Variants in HDAC9 observed in about 807,000 individuals in gnomAD.
HDAC9 encodes histone deacetylase 9.
A neutral mutation model predicts 139.4 loss-of-function variants in HDAC9; 41 were observed. That is an observed-to-expected ratio of 0.29 (90% CI 0.23 to 0.38). The LOEUF (loss-of-function observed/expected upper bound fraction) is 0.38. Ranked by LOEUF, HDAC9 falls within the 10% of genes least tolerant of loss-of-function variation. The pLI, the probability that HDAC9 is intolerant of heterozygous loss-of-function variation, is 1.00. For synonymous variants in HDAC9, 517 were observed against 476.2 expected (o/e 1.09, Z -1.12); for missense variants, 1,147 against 1,297.0 (o/e 0.88, Z 1.78).
intron 1 of HDAC9, among the ~76,000 whole-genome samples, chr7:18,417,926 C>G (rs1369687010): frequency 6.6e-6 from 1 of 152,166 alleles, no homozygotes; most frequent in African/African-American, 2.4e-5. Context: ...CCAGAAAACT[C>G]TAACTGCTTT....
chr7:18,445,705 GA>G (rs1792227552), intron 1 of HDAC9, among the ~76,000 whole-genome samples: 1 of 152,194 alleles, frequency 6.6e-6, no homozygotes, highest in Non-Finnish European at 1.5e-5. Context: ...GCTGTTTATA[GA>G]TAGCCATGAA....
At chr7:18,991,250 A>G (rs940401546) in intron 25 of HDAC9, among the ~76,000 whole-genome samples, 5 of 152,250 alleles carry the variant, frequency 3.3e-5, no homozygotes, top group African/African-American at 1.2e-4. Flanking sequence ...AGAAAAATGA[A>G]TGAGGAAATG....
intron 2 of HDAC9, among the ~76,000 whole-genome samples, chr7:18,550,559 T>C (rs1051602933): frequency 2.1e-4 from 32 of 152,210 alleles, no homozygotes; most frequent in African/African-American, 7.7e-4. Flanking sequence ...TGCTATGGAA[T>C]AAAGAAAGAG....
intron 2 of HDAC9, among the ~76,000 whole-genome samples, chr7:18,527,700 C>G (rs998532045): frequency 2.0e-5 from 3 of 151,984 alleles, no homozygotes; most frequent in Non-Finnish European, 4.4e-5. Flanking sequence ...AAGGATCAAC[C>G]TATGATTTTC....
chr7:18,296,683 G>A (rs559134598), intron 1 of HDAC9, among the ~76,000 whole-genome samples: 72 of 152,216 alleles, frequency 4.7e-4, no homozygotes, highest in South Asian at 1.0e-3. Flanking sequence ...GAGAGCCATG[G>A]AAAAAATAAA....
intron 1 of HDAC9, among the ~76,000 whole-genome samples, chr7:18,379,558 TC>T (rs1471648581): frequency 6.6e-6 from 1 of 152,220 alleles, no homozygotes; most frequent in Non-Finnish European, 1.5e-5. Flanking sequence ...GCCAGTTGTG[TC>T]TTTTTGAACT....
chr7:18,816,527 C>A (rs192133809), intron 17 of HDAC9, among the ~76,000 whole-genome samples: 2 of 152,332 alleles, frequency 1.3e-5, no homozygotes, highest in Admixed American at 1.3e-4. Flanking sequence ...GTAGCTATAT[C>A]TGAGCCATTT....
intron 1 of HDAC9, among the ~76,000 whole-genome samples, chr7:18,145,984 G>T (rs1285633092): frequency 6.6e-6 from 1 of 152,066 alleles, no homozygotes; most frequent in African/African-American, 2.4e-5. Context: ...TGGAAAAAGG[G>T]CACATAGCAA....
chr7:18,937,117 G>A (rs540959899), intron 23 of HDAC9, among the ~76,000 whole-genome samples: 14 of 137,698 alleles, frequency 1.0e-4, no homozygotes, highest in East Asian at 8.8e-4. Context: ...TCGGCTCACT[G>A]CAACCTCCGC....
intron 2 of HDAC9, among the ~76,000 whole-genome samples, chr7:18,242,946 A>G (rs1007087894): frequency 6.6e-6 from 1 of 152,238 alleles, no homozygotes; most frequent in Non-Finnish European, 1.5e-5. Context: ...ACTAGCACAA[A>G]ACAATAGATA....
chr7:18,701,465 A>C (rs561667837), intron 12 of HDAC9, among the ~76,000 whole-genome samples: 268 of 151,942 alleles, frequency 1.8e-3, no homozygotes, highest in African/African-American at 6.2e-3. Flanking sequence ...CACCAGTACT[A>C]TGAAACTCAA....
intron 1 of HDAC9, among the ~76,000 whole-genome samples, chr7:18,158,367 A>G (rs1305309164): frequency 6.6e-6 from 1 of 152,194 alleles, no homozygotes; most frequent in Non-Finnish European, 1.5e-5. Context: ...TGATCTATTC[A>G]ATGGCTTGAC....
At chr7:18,232,839 G>T (rs1000089940) in intron 2 of HDAC9, among the ~76,000 whole-genome samples, 1 of 152,092 alleles carries the variant, frequency 6.6e-6, no homozygotes, top group Non-Finnish European at 1.5e-5. Flanking sequence ...AATGCCCTTT[G>T]CCCAATTCCT....
Position 18,813,530 on chromosome 7 carries a change from A to G in HDAC9, c.2323-15631A>G, listed in dbSNP as rs114263300. Among the ~76,000 whole-genome samples, 3 of 152,200 alleles carry G rather than the reference A, an allele frequency of 2.0e-5. No individual in the cohort carries two copies. In the East Asian group the frequency reaches 5.8e-4, roughly 29 times the overall value. On this transcript the variant is annotated intron_variant, in intron 17 of 25. Coordinates refer to ENST00000686413, the MANE Select transcript of HDAC9 (RefSeq NM_178425.4). ...AAGTGATGACAACAGGGGCACATTT[A>G]TTTATTTATCTATTTATTTCTTCAA...
At chr7:18,349,349 C>T (rs1782675107) in intron 1 of HDAC9, among the ~76,000 whole-genome samples, 1 of 136,272 alleles carries the variant, frequency 7.3e-6, no homozygotes, top group Non-Finnish European at 1.7e-5. Flanking sequence ...CACACACACA[C>T]ACACACACAC....
chr7:18,384,882 T>C lies in HDAC9; in HGVS notation c.-42+94367T>C, dbSNP rs116944229. Among the ~76,000 whole-genome samples the C allele has an allele frequency of 7.3e-5, 11 of 151,616 alleles. No homozygotes were observed. In the East Asian group the frequency reaches 2.1e-3, roughly 29 times the overall value. On this transcript the variant is annotated intron_variant, in intron 1 of 3. Transcript: ENST00000413509. ...CCTCATTCCATCCCAGTAGCTCCTA[T>C]TCAGTCCTTCAAGGAGGTGATTAGA... is the stretch of plus-strand genomic sequence containing the variant.
chr7:18,533,959 A>G (rs945059137), intron 2 of HDAC9, among the ~76,000 whole-genome samples: 1 of 152,092 alleles, frequency 6.6e-6, no homozygotes, highest in Non-Finnish European at 1.5e-5. Context: ...ATCAAAGTGC[A>G]CCGTTCTTTA....
intron 2 of HDAC9, among the ~76,000 whole-genome samples, chr7:18,510,724 A>G (rs1801232346): frequency 1.3e-5 from 2 of 152,204 alleles, no homozygotes; most frequent in African/African-American, 2.4e-5. Flanking sequence ...TATCTAAAGT[A>G]AAATGTCAGA....
chr7:18,431,397 T>A (rs1790647790), intron 1 of HDAC9, among the ~76,000 whole-genome samples: 1 of 152,226 alleles, frequency 6.6e-6, no homozygotes, highest in Non-Finnish European at 1.5e-5. Context: ...GGGAAACGAC[T>A]GCCATAATGT....
Sources: gnomAD v4.1 joint callset for allele counts (sites outside exome capture counted in the v4.1 genomes callset) on GRCh38, gnomAD v4.1.1 for gene constraint, MANE v1.5 for transcripts, NCBI Gene and HGNC (gene_info 2026-07-23, HGNC 2026-07-21) for gene names.